VWC2: variants seen among roughly 807,000 people sequenced by gnomAD.
The protein encoded by VWC2 is brorin.
In VWC2, 14 loss-of-function variants were observed where a neutral mutation model predicts 29.8. The ratio of observed to expected loss-of-function variants is 0.47; its 90% CI spans 0.31 to 0.74. VWC2 has a LOEUF of 0.74. VWC2 is among the 30% of genes least tolerant of loss of function. The pLI is 0.05. For missense variants in VWC2, 457 were observed against 459.8 expected, an observed-to-expected ratio of 0.99 and a Z score of 0.05; for synonymous variants, 213 against 199.0, an observed-to-expected ratio of 1.07 and a Z score of -0.59.
chr7:49,868,601 A>C (rs1791008406), intron 3 of VWC2, among the ~76,000 whole-genome samples: 1 of 152,194 alleles, frequency 6.6e-6, no homozygotes, highest in South Asian at 2.1e-4. Context: ...ATTTAAATGT[A>C]ATGATCTCAT....
At chr7:49,869,486 C>A (rs1791044054) in intron 3 of VWC2, among the ~76,000 whole-genome samples, 1 of 152,118 alleles carries the variant, frequency 6.6e-6, no homozygotes, top group South Asian at 2.1e-4. Flanking sequence ...TTGTATATTA[C>A]AAAAGTAGGT....
At position 49,802,784 on chromosome 7, in the gene VWC2, C is replaced by T. The variant is rs759536887; in HGVS notation, c.770C>T (p.Thr257Met). 4.1e-5 allele frequency: 66 copies of T among 1,614,098 alleles called. No individual in the cohort carries two copies. Among genetic ancestry groups the T allele is most frequent in the Non-Finnish European group, 5.0e-5 (59 of 1,180,050 alleles). Residue 257 changes from threonine (T) to methionine (M), a missense_variant, in exon 3 of 4, where the codon ACG (threonine) becomes ATG (methionine). By Grantham distance (81) the Thr-to-Met change is moderately conservative. This residue lies in a region of VWC2 where 185 missense variants were observed against 257.1 expected (regional missense o/e 0.72). Coordinates refer to ENST00000340652, the MANE Select transcript of VWC2 (RefSeq NM_198570.5). ...VLCTVSACPQ[T>M]ECVDPVYEPD... The stretch of plus-strand genomic sequence containing the variant: ...TGCACAGTGTCAGCGTGTCCCCAGA[C>T]GGAGTGTGTGGACCCTGTGTACGAG...
In VWC2 at chr7:49,875,480, A is replaced by G. The variant is rs191638091; in HGVS notation, c.827-36554A>G. Among the ~76,000 whole-genome samples, 18 of 149,088 alleles carry G rather than the reference A, an allele frequency of 1.2e-4. 1 individual carries two copies. Among genetic ancestry groups the G allele is most frequent in the South Asian group, 4.4e-4 (2 of 4,560 alleles). The stretch of plus-strand genomic sequence containing the variant: ...GAAGGTCAGTTCACTCACAATGTGG[A>G]GTCTCTGTGCTGAGCTGGGGAAGCT... On this transcript the variant is annotated intron_variant, in intron 3 of 3. Transcript: ENST00000340652.
intron 3 of VWC2, among the ~76,000 whole-genome samples, chr7:49,842,159 C>T (rs923540201): frequency 1.9e-4 from 29 of 152,124 alleles, no homozygotes; most frequent in Admixed American, 3.3e-4. Context: ...TGAGCCACCG[C>T]GCCTGGCCAA....
rs180775863 is a variant in VWC2, at chr7:49,803,387, C to T, written c.826+547C>T. Among the ~76,000 whole-genome samples the T allele has an allele frequency of 4.6e-5, 7 of 152,266 alleles. No individual in the cohort carries two copies. In the South Asian group the frequency reaches 6.2e-4, roughly 14 times the overall value. ...GAGAGTGTTTCCTCATCCTGACAAACGATGATTACTCTGTACCTGAGGTAC... is the reference window on the plus strand; with the variant it reads ...GAGAGTGTTTCCTCATCCTGACAAATGATGATTACTCTGTACCTGAGGTAC... On this transcript the variant is annotated intron_variant, in intron 3 of 3. Coordinates refer to ENST00000340652, the MANE Select transcript of VWC2 (RefSeq NM_198570.5).
At chr7:49,838,204 C>T (rs1164413865) in intron 3 of VWC2, among the ~76,000 whole-genome samples, 1 of 152,194 alleles carries the variant, frequency 6.6e-6, no homozygotes, top group Non-Finnish European at 1.5e-5. Flanking sequence ...GGCTTATAAC[C>T]TCAGTAACGT....
intron 3 of VWC2, among the ~76,000 whole-genome samples, chr7:49,875,835 C>T (rs1791392562): frequency 6.6e-6 from 1 of 152,104 alleles, no homozygotes; most frequent in Non-Finnish European, 1.5e-5. Context: ...CTTTTTGCTA[C>T]TGGCTGCAGG....
At chr7:49,830,298 G>A (rs185552622) in intron 3 of VWC2, among the ~76,000 whole-genome samples, 231 of 152,212 alleles carry the variant, frequency 1.5e-3, no homozygotes, top group African/African-American at 5.5e-3. Context: ...AACAGAAGTT[G>A]TTTCCTTAAG....
At chr7:49,822,487 G>A (rs1333527161) in intron 3 of VWC2, among the ~76,000 whole-genome samples, 2 of 152,138 alleles carry the variant, frequency 1.3e-5, no homozygotes, top group African/African-American at 4.8e-5. Context: ...AGGCTGGAGT[G>A]CAGGGCCAGG....
At chr7:49,842,762 A>T (rs558047354) in intron 3 of VWC2, among the ~76,000 whole-genome samples, 112 of 152,328 alleles carry the variant, frequency 7.4e-4, no homozygotes, top group African/African-American at 2.6e-3. Context: ...TCATAGTATG[A>T]ATTTGGCCAT....
chr7:49,799,809 T>A (rs1788693685), intron 2 of VWC2, among the ~76,000 whole-genome samples: 1 of 152,212 alleles, frequency 6.6e-6, no homozygotes, highest in Non-Finnish European at 1.5e-5. Flanking sequence ...GTATATCCTA[T>A]TACACACCTA....
intron 3 of VWC2, among the ~76,000 whole-genome samples, chr7:49,892,326 G>A (rs536287493): frequency 4.6e-5 from 7 of 152,098 alleles, no homozygotes; most frequent in Non-Finnish European, 8.8e-5. Flanking sequence ...GATTACAAGC[G>A]TGAGCCACCG....
chr7:49,864,950 T>A (rs1790816220), intron 3 of VWC2, among the ~76,000 whole-genome samples: 1 of 152,204 alleles, frequency 6.6e-6, no homozygotes, highest in African/African-American at 2.4e-5. Flanking sequence ...TTCTGACAGT[T>A]CCTGTTTGTT....
intron 3 of VWC2, among the ~76,000 whole-genome samples, chr7:49,900,095 G>A (rs1430758104): frequency 6.6e-6 from 1 of 151,308 alleles, no homozygotes; most frequent in African/African-American, 2.4e-5. Context: ...AGTCTCAAGA[G>A]AAGTTTAAAA....
At chr7:49,837,244 A>G (rs1789685037) in intron 3 of VWC2, among the ~76,000 whole-genome samples, 1 of 152,272 alleles carries the variant, frequency 6.6e-6, no homozygotes, top group Admixed American at 6.5e-5. Flanking sequence ...GTGAGACTCA[A>G]TGAACCATGC....
intron 3 of VWC2, among the ~76,000 whole-genome samples, chr7:49,816,026 GAGA>G (rs1222789141): frequency 6.6e-6 from 1 of 152,162 alleles, no homozygotes; most frequent in Non-Finnish European, 1.5e-5. Context: ...CATGGAATGG[GAGA>G]AGAAGAGAAG....
intron 3 of VWC2, among the ~76,000 whole-genome samples, chr7:49,808,316 A>G (rs1043517645): frequency 1.3e-5 from 2 of 152,146 alleles, no homozygotes; most frequent in Admixed American, 1.3e-4. Context: ...CTGTCAGGAT[A>G]CTGATAGAAG....
At chr7:49,850,799 C>T (rs970167421) in intron 3 of VWC2, among the ~76,000 whole-genome samples, 3 of 152,182 alleles carry the variant, frequency 2.0e-5, no homozygotes, top group Admixed American at 6.5e-5. Context: ...CAGTGAGCTC[C>T]GTGTATTTAC....
At chr7:49,836,479 A>T (rs1470503233) in intron 3 of VWC2, among the ~76,000 whole-genome samples, 1 of 150,818 alleles carries the variant, frequency 6.6e-6, no homozygotes, top group Non-Finnish European at 1.5e-5. Flanking sequence ...AAAAAAAAAA[A>T]AACTATGAAA....
Sources: gnomAD v4.1 joint callset for allele counts (sites outside exome capture counted in the v4.1 genomes callset) on GRCh38, gnomAD v4.1.1 for gene constraint, gnomAD v4.1.1 regional missense constraint, MANE v1.5 for transcripts, NCBI Gene and HGNC (gene_info 2026-07-23, HGNC 2026-07-21) for gene names.